Variants in TMEM132D observed in about 807,000 individuals in gnomAD.
TMEM132D encodes the protein mature OL transmembrane protein.
TMEM132D carries 21 observed loss-of-function variants against 62.3 expected under a neutral mutation model. That is an observed-to-expected ratio of 0.34 (90% CI 0.24 to 0.49). The LOEUF (loss-of-function observed/expected upper bound fraction) is 0.49. Ranked by LOEUF, TMEM132D falls within the 20% of genes least tolerant of loss-of-function variation. The pLI, the probability that TMEM132D is intolerant of heterozygous loss-of-function variation, is 0.99. For missense variants in TMEM132D, 1,346 were observed against 1,402.8 expected (o/e 0.96, Z 0.65); for synonymous variants, 621 against 575.6 (o/e 1.08, Z -1.13).
intron 2 of TMEM132D, among the ~76,000 whole-genome samples, chr12:129,655,908 C>CA (rs1880059800): frequency 6.6e-6 from 1 of 152,098 alleles, no homozygotes; most frequent in Non-Finnish European, 1.5e-5. Flanking sequence ...GGGTTACAGA[C>CA]AAAAAACTGG....
chr12:129,130,927 A>G (rs950305040), intron 5 of TMEM132D, among the ~76,000 whole-genome samples: 6 of 152,210 alleles, frequency 3.9e-5, no homozygotes, highest in African/African-American at 1.4e-4. Flanking sequence ...GGAGCTTTAA[A>G]AATGCCAGTT....
intron 4 of TMEM132D, among the ~76,000 whole-genome samples, chr12:129,326,555 C>T (rs1031788864): frequency 6.6e-6 from 1 of 152,200 alleles, no homozygotes; most frequent in South Asian, 2.1e-4. Flanking sequence ...AACTGTTACA[C>T]CCATTTGCTT....
intron 3 of TMEM132D, among the ~76,000 whole-genome samples, chr12:129,459,492 C>T (rs1213754843): frequency 6.6e-6 from 1 of 152,080 alleles, no homozygotes; most frequent in Admixed American, 6.6e-5. Context: ...GCAAGACAGA[C>T]CATAATAAGA....
intron 4 of TMEM132D, among the ~76,000 whole-genome samples, chr12:129,308,485 C>T (rs1051095676): frequency 1.3e-5 from 2 of 152,250 alleles, no homozygotes; most frequent in South Asian, 2.1e-4. Flanking sequence ...AATTAATTCC[C>T]TTCCATTTCT....
chr12:129,587,732 C>T (rs1437119223), intron 2 of TMEM132D, among the ~76,000 whole-genome samples: 1 of 152,132 alleles, frequency 6.6e-6, no homozygotes, highest in Non-Finnish European at 1.5e-5. Context: ...GGGCAGTTTC[C>T]ACAAAGGAGC....
intron 4 of TMEM132D, among the ~76,000 whole-genome samples, chr12:129,257,608 G>A (rs771527115): frequency 1.3e-5 from 2 of 152,170 alleles, no homozygotes; most frequent in African/African-American, 2.4e-5. Flanking sequence ...TCTAGTCCAA[G>A]TGTGAGTGTG....
At chr12:129,618,763 G>A (rs1400799728) in intron 2 of TMEM132D, among the ~76,000 whole-genome samples, 2 of 152,208 alleles carry the variant, frequency 1.3e-5, no homozygotes, top group East Asian at 3.9e-4. Flanking sequence ...ATTTTGCCAA[G>A]ATAAAGGATG....
chr12:129,380,275 G>GA (rs565261397), intron 3 of TMEM132D, among the ~76,000 whole-genome samples: 2 of 151,786 alleles, frequency 1.3e-5, no homozygotes, highest in South Asian at 2.1e-4. Flanking sequence ...CAAACGTCTA[G>GA]AAAAAAAACT....
intron 5 of TMEM132D, among the ~76,000 whole-genome samples, chr12:129,137,182 C>T (rs530262780): frequency 1.3e-5 from 2 of 151,994 alleles, no homozygotes; most frequent in East Asian, 3.9e-4. Context: ...TCATCACCAC[C>T]ATCATCACAA....
intron 3 of TMEM132D, among the ~76,000 whole-genome samples, chr12:129,503,925 C>G (rs1426550780): frequency 6.6e-6 from 1 of 152,114 alleles, no homozygotes; most frequent in Non-Finnish European, 1.5e-5. Flanking sequence ...CCATCATCAT[C>G]ATCATTACTG....
At chr12:129,290,161 T>G (rs1881410477) in intron 4 of TMEM132D, among the ~76,000 whole-genome samples, 1 of 152,180 alleles carries the variant, frequency 6.6e-6, no homozygotes, top group Non-Finnish European at 1.5e-5. Context: ...CTCAACTTAT[T>G]TTAAAATGAA....
chr12:129,471,562 T>G (rs1317080941), intron 3 of TMEM132D, among the ~76,000 whole-genome samples: 1 of 152,192 alleles, frequency 6.6e-6, no homozygotes, highest in Non-Finnish European at 1.5e-5. Flanking sequence ...AACCAGTTAC[T>G]GACCCTACAA....
intron 2 of TMEM132D, among the ~76,000 whole-genome samples, chr12:129,694,744 C>T (rs1565951494): frequency 6.6e-6 from 1 of 152,220 alleles, no homozygotes; most frequent in South Asian, 2.1e-4. Flanking sequence ...CACAGTGGCT[C>T]ACGCCTGTAA....
At chr12:129,902,253 G>A (rs1335062886) in intron 1 of TMEM132D, among the ~76,000 whole-genome samples, 1 of 152,184 alleles carries the variant, frequency 6.6e-6, no homozygotes, top group African/African-American at 2.4e-5. Context: ...TGGCTTTGAA[G>A]TTTCTGAGAG....
intron 2 of TMEM132D, among the ~76,000 whole-genome samples, chr12:129,626,142 A>C (rs926049534): frequency 1.3e-5 from 2 of 152,082 alleles, no homozygotes; most frequent in Admixed American, 1.3e-4. Context: ...CTGGATCAAT[A>C]AAGCTCAGCA....
rs1160967588 is a variant in TMEM132D, at chr12:129,081,898, G to A, written c.1784C>T (p.Ala595Val). ...TTGCCAGTCTGAGCCCAGCAGGTGGGCCAGGTGTCCCCCAGGGCCGGCCGC... is the reference window on the plus strand; with the variant it reads ...TTGCCAGTCTGAGCCCAGCAGGTGGACCAGGTGTCCCCCAGGGCCGGCCGC... ...AEAAGPGGHLAHLLGSDWQVD... is the reference protein window; with the variant it reads ...AEAAGPGGHLVHLLGSDWQVD... Residue 595 changes from alanine (A) to valine (V), a missense_variant, in exon 7 of 9, where the codon GCC (alanine) becomes GTC (valine). Coordinates refer to ENST00000422113, the MANE Select transcript of TMEM132D (RefSeq NM_133448.3). The A allele has an allele frequency of 6.2e-7, 1 of 1,613,930 alleles. No homozygotes were observed. The highest frequency in any genetic ancestry group is 1.3e-5 in the African/African-American group (1 of 74,922).
At chr12:129,313,829 G>A (rs750231653) in intron 4 of TMEM132D, among the ~76,000 whole-genome samples, 9 of 151,998 alleles carry the variant, frequency 5.9e-5, no homozygotes, top group Admixed American at 1.3e-4. Flanking sequence ...TCCCATTAGC[G>A]GTGTAGAAGT....
rs144602302 is a variant in TMEM132D at position 129,149,218 on chromosome 12, G to A, written c.1443+60302C>T. 1.1e-4 allele frequency among the ~76,000 whole-genome samples: 16 copies of A among 151,696 alleles called. No individual in the cohort carries two copies. In the East Asian group the frequency reaches 3.1e-3, roughly 29 times the overall value. On this transcript the variant is annotated intron_variant, in intron 5 of 8. Transcript: ENST00000422113. ...CAGGGAGGGGAACGTCACACACCAG[G>A]GCCTGTTGGGGGGTGGGGGGCAAGG...
chr12:129,636,319 G>C (rs1879474195), intron 2 of TMEM132D, among the ~76,000 whole-genome samples: 1 of 152,154 alleles, frequency 6.6e-6, no homozygotes, highest in African/African-American at 2.4e-5. Flanking sequence ...AAAATGCTTT[G>C]GTTCCTTCCA....
Sources: allele counts gnomAD v4.1 joint callset (sites outside exome capture counted in the v4.1 genomes callset), GRCh38; gene constraint gnomAD v4.1.1; transcripts MANE v1.5; gene names NCBI Gene and HGNC (gene_info 2026-07-23, HGNC 2026-07-21).